Variants in VSNL1 observed in about 807,000 individuals in gnomAD.
The protein encoded by VSNL1 is visinin-like protein 1.
A neutral mutation model predicts 20.4 loss-of-function variants in VSNL1; 6 were observed. The observed-to-expected ratio is 0.29, with a 90% CI of 0.16 to 0.58. The LOEUF (loss-of-function observed/expected upper bound fraction) is 0.58, where lower values mean the gene tolerates loss of function less well. Ranked by LOEUF, VSNL1 falls within the 20% of genes least tolerant of loss-of-function variation. The pLI is 0.90. For synonymous variants in VSNL1, 93 were observed against 86.4 expected, an observed-to-expected ratio of 1.08 and a Z score of -0.42; for missense variants, 100 against 234.5, an observed-to-expected ratio of 0.43 and a Z score of 3.75.
At chr2:17,581,737 C>T (rs1280330750) in intron 1 of VSNL1, among the ~76,000 whole-genome samples, 1 of 152,180 alleles carries the variant, frequency 6.6e-6, no homozygotes, top group East Asian at 1.9e-4. Context: ...GCACTTAGTA[C>T]AGTCATCTTT....
chr2:17,584,411 C>T (rs947909647), intron 1 of VSNL1, among the ~76,000 whole-genome samples: 7 of 152,010 alleles, frequency 4.6e-5, no homozygotes, highest in South Asian at 2.1e-4. Flanking sequence ...ATCTGACCCC[C>T]AAGGGTCAGA....
chr2:17,626,860 A>G (rs756244994), intron 2 of VSNL1, among the ~76,000 whole-genome samples: 1 of 152,188 alleles, frequency 6.6e-6, no homozygotes, highest in African/African-American at 2.4e-5. Context: ...ATGATGAAGA[A>G]CTGCGGCTCT....
At chr2:17,583,608 C>T (rs1430361652) in intron 1 of VSNL1, among the ~76,000 whole-genome samples, 2 of 152,148 alleles carry the variant, frequency 1.3e-5, no homozygotes, top group African/African-American at 4.8e-5. Context: ...TGAAAGGTTA[C>T]CAGCTATTAA....
At chr2:17,587,394 C>CACACACAT (rs546861051) in intron 1 of VSNL1, among the ~76,000 whole-genome samples, 76 of 144,580 alleles carry the variant, frequency 5.3e-4, no homozygotes, top group African/African-American at 1.3e-3. Context: ...CACACACACA[C>CACACACAT]ATATATTTTG....
chr2:17,559,417 A>AC (rs1663762168), intron 1 of VSNL1, among the ~76,000 whole-genome samples: 1 of 151,216 alleles, frequency 6.6e-6, no homozygotes, highest in Admixed American at 6.6e-5. Context: ...GCAAAAAAAA[A>AC]AACAACAACA....
At chr2:17,622,400 A>G (rs1026114628) in intron 2 of VSNL1, among the ~76,000 whole-genome samples, 6 of 151,580 alleles carry the variant, frequency 4.0e-5, no homozygotes, top group African/African-American at 1.5e-4. Flanking sequence ...TGGGAGGCTG[A>G]GGCAGGAGAA....
intron 2 of VSNL1, among the ~76,000 whole-genome samples, chr2:17,624,037 C>G (rs561606047): frequency 6.6e-6 from 1 of 152,282 alleles, no homozygotes; most frequent in East Asian, 1.9e-4. Flanking sequence ...CAAGAACCAA[C>G]TGGAATTCTG....
intron 1 of VSNL1, among the ~76,000 whole-genome samples, chr2:17,584,497 GTTTTAGC>G (rs1244442333): frequency 6.6e-6 from 1 of 152,116 alleles, no homozygotes; most frequent in Non-Finnish European, 1.5e-5. Context: ...TTCTAAGTGG[GTTTTAGC>G]TTGAGACCAC....
chr2:17,648,963 G>T (rs1362744580), intron 2 of VSNL1, among the ~76,000 whole-genome samples: 2 of 152,202 alleles, frequency 1.3e-5, no homozygotes, highest in Non-Finnish European at 2.9e-5. Flanking sequence ...GAGAAACCAG[G>T]TCTGGGCACC....
intron 1 of VSNL1, among the ~76,000 whole-genome samples, chr2:17,590,560 T>A (rs1664574395): frequency 6.6e-6 from 1 of 152,134 alleles, no homozygotes; most frequent in African/African-American, 2.4e-5. Flanking sequence ...GCCATCTTAA[T>A]GGTATCATCT....
intron 1 of VSNL1, among the ~76,000 whole-genome samples, chr2:17,556,659 G>A (rs538715668): frequency 6.6e-5 from 10 of 152,288 alleles, no homozygotes; most frequent in African/African-American, 2.4e-4. Flanking sequence ...GTATAACTAA[G>A]TCCCACAGTT....
intron 2 of VSNL1, among the ~76,000 whole-genome samples, chr2:17,614,996 G>A (rs749510187): frequency 1.3e-5 from 2 of 152,168 alleles, no homozygotes; most frequent in Non-Finnish European, 2.9e-5. Context: ...GAAGTTTTAT[G>A]TAATACAGTT....
chr2:17,550,843 T>A lies in VSNL1; in HGVS notation c.-6+9925T>A, dbSNP rs77479975. Among the ~76,000 whole-genome samples, 616 of 152,284 alleles carry A rather than the reference T, an allele frequency of 4.0e-3. 6 individuals are homozygous for A. The highest frequency in any genetic ancestry group is 0.014 in the African/African-American group (578 of 41,546). On this transcript the variant is annotated intron_variant, in intron 1 of 3. Coordinates refer to ENST00000295156, the MANE Select transcript of VSNL1 (RefSeq NM_003385.5). ...ACCTTACTTAGATATCCTAACCCAG[T>A]CATCCTAAGGGAATGCAACAAAAAG...
Position 17,573,619 on chromosome 2 carries a change from G to A in VSNL1, c.-5-18451G>A, listed in dbSNP as rs895049252. On this transcript the variant is annotated intron_variant, in intron 1 of 3. Transcript: ENST00000295156. ...AGACTGTGGATTTCAAACTCATGACGCTTTGCTGAATTACTGAGACAGAGA... is the reference window on the plus strand; with the variant it reads ...AGACTGTGGATTTCAAACTCATGACACTTTGCTGAATTACTGAGACAGAGA... 4.6e-5 allele frequency among the ~76,000 whole-genome samples: 7 copies of A among 152,268 alleles called. No homozygotes were observed. In the East Asian group the frequency reaches 5.8e-4, roughly 13 times the overall value.
At chr2:17,544,504 A>T (rs2103333911) in intron 1 of VSNL1, among the ~76,000 whole-genome samples, 1 of 152,294 alleles carries the variant, frequency 6.6e-6, no homozygotes, top group South Asian at 2.1e-4. Context: ...ATGTGATAGG[A>T]TTACAGCATC....
chr2:17,540,414 G>A (rs779973231), upstream of VSNL1, among the ~76,000 whole-genome samples: 1 of 152,258 alleles, frequency 6.6e-6, no homozygotes, highest in Non-Finnish European at 1.5e-5. Flanking sequence ...GTCCAGGTGC[G>A]GGTTGCTCCG....
rs574757894 is a variant in VSNL1, at chr2:17,649,178, T to C, written c.163-232T>C. ...CAAGCCCCATCAACTGAAAGCCACA[T>C]GTCACCAGCCTCACCCACAGGAAAC... On this transcript the variant is annotated intron_variant, in intron 2 of 3. Transcript: ENST00000295156. The surrounding 1 kb of genome is among the most constrained non-coding windows in gnomAD (Gnocchi z 6.4). 5.9e-5 allele frequency among the ~76,000 whole-genome samples: 9 copies of C among 152,236 alleles called. No homozygotes were observed. The highest frequency in any genetic ancestry group is 4.1e-4 in the South Asian group (2 of 4,824).
chr2:17,551,226 C>T (rs556088845), intron 1 of VSNL1, among the ~76,000 whole-genome samples: 1 of 152,312 alleles, frequency 6.6e-6, no homozygotes, highest in African/African-American at 2.4e-5. Flanking sequence ...TCTCTGCCCC[C>T]TCCCTAGAAA....
intron 1 of VSNL1, among the ~76,000 whole-genome samples, chr2:17,586,004 T>G (rs1664464395): frequency 1.3e-5 from 2 of 152,066 alleles, no homozygotes; most frequent in Non-Finnish European, 2.9e-5. Context: ...AGACAGGGTT[T>G]CACCATGTTG....
Sources: gnomAD v4.1 joint callset for allele counts (sites outside exome capture counted in the v4.1 genomes callset) on GRCh38, gnomAD v4.1.1 for gene constraint, Gnocchi (gnomAD v3.1) non-coding constraint, MANE v1.5 for transcripts, NCBI Gene and HGNC (gene_info 2026-07-23, HGNC 2026-07-21) for gene names.